TOX: variants seen among roughly 807,000 people sequenced by gnomAD.
TOX encodes the protein thymocyte selection-associated high mobility group box protein TOX.
TOX carries 11 observed loss-of-function variants against 53.7 expected under a neutral mutation model. The ratio of observed to expected loss-of-function variants is 0.20; its 90% CI spans 0.13 to 0.34. TOX has a LOEUF of 0.34. TOX is among the 10% of genes least tolerant of loss of function. The pLI is 1.00. For synonymous variants in TOX, 225 were observed against 245.3 expected, an observed-to-expected ratio of 0.92 and a Z score of 0.77; for missense variants, 570 against 664.6, an observed-to-expected ratio of 0.86 and a Z score of 1.56.
At chr8:58,941,612 ATTAATATCAGGCCTTTCC>A (rs1461791621) in intron 2 of TOX, among the ~76,000 whole-genome samples, 1 of 152,210 alleles carries the variant, frequency 6.6e-6, no homozygotes, top group African/African-American at 2.4e-5. Context: ...TAGTATTAGC[ATTAATATCAGGCCTTTCC>A]TTTCCCAAAT....
chr8:58,832,411 G>C (rs1327401009), intron 5 of TOX, among the ~76,000 whole-genome samples: 1 of 151,926 alleles, frequency 6.6e-6, no homozygotes, highest in Non-Finnish European at 1.5e-5. Context: ...ATAAGAAAAT[G>C]GCCAAGATAA....
chr8:59,069,422 G>C (rs979438136), intron 1 of TOX, among the ~76,000 whole-genome samples: 6 of 152,282 alleles, frequency 3.9e-5, no homozygotes, highest in African/African-American at 1.4e-4. Flanking sequence ...GCAGGATATT[G>C]AATTATAGAT....
intron 3 of TOX, among the ~76,000 whole-genome samples, chr8:58,908,611 C>T (rs1811859057): frequency 6.6e-6 from 1 of 152,180 alleles, no homozygotes; most frequent in African/African-American, 2.4e-5. Context: ...GTTTATCCCT[C>T]CTCCAAAGCA....
chr8:58,998,493 G>GTGTATATA (rs1491538699), intron 1 of TOX, among the ~76,000 whole-genome samples: 1 of 63,618 alleles, frequency 1.6e-5, no homozygotes, highest in Non-Finnish European at 2.5e-5. Context: ...CATCTCAAAA[G>GTGTATATA]TATATATATA....
In TOX at chr8:59,093,316, A is replaced by T. The variant is rs557614239; in HGVS notation, c.102+25570T>A. On this transcript the variant is annotated intron_variant, in intron 1 of 8. Coordinates refer to ENST00000361421, the MANE Select transcript of TOX (RefSeq NM_014729.3). Reference sequence around the variant, plus strand: ...ACCACTGACAAATAACAGTGAATGCATCTACAGAACTGTGAAGTCCTCAAG... The same window carrying T: ...ACCACTGACAAATAACAGTGAATGCTTCTACAGAACTGTGAAGTCCTCAAG... Among the ~76,000 whole-genome samples, 4 of 152,346 alleles carry T rather than the reference A, an allele frequency of 2.6e-5. No individual in the cohort carries two copies. In the East Asian group the frequency reaches 7.7e-4, roughly 29 times the overall value.
intron 1 of TOX, among the ~76,000 whole-genome samples, chr8:58,997,393 G>A (rs906188994): frequency 5.9e-5 from 9 of 152,216 alleles, no homozygotes; most frequent in African/African-American, 1.9e-4. Context: ...GTGCACTTGC[G>A]TCTAGGAACT....
At chr8:58,980,913 T>A (rs753634392) in intron 1 of TOX, among the ~76,000 whole-genome samples, 4 of 152,214 alleles carry the variant, frequency 2.6e-5, no homozygotes, top group Admixed American at 6.5e-5. Context: ...AATTAATTCC[T>A]CTTTGGAGTC....
intron 1 of TOX, among the ~76,000 whole-genome samples, chr8:59,106,995 CT>C (rs1377759187): frequency 7.3e-6 from 1 of 137,452 alleles, no homozygotes; most frequent in African/African-American, 2.9e-5. Flanking sequence ...ATCTTTTAAA[CT>C]TTTTTTCCCC....
intron 3 of TOX, among the ~76,000 whole-genome samples, chr8:58,905,986 CT>C (rs1345225907): frequency 6.6e-6 from 1 of 152,116 alleles, no homozygotes; most frequent in African/African-American, 2.4e-5. Flanking sequence ...AATTTCACAC[CT>C]TTTCATTCTT....
intron 3 of TOX, among the ~76,000 whole-genome samples, chr8:58,914,259 C>T (rs62505154): frequency 0.31 from 47,260 of 152,004 alleles, 8,409 homozygotes; most frequent in Non-Finnish European, 0.39. Flanking sequence ...TGAGATTTGA[C>T]TTTATTGAGC....
At chr8:58,934,803 T>C (rs1812317092) in intron 3 of TOX, among the ~76,000 whole-genome samples, 1 of 152,226 alleles carries the variant, frequency 6.6e-6, no homozygotes, top group African/African-American at 2.4e-5. Flanking sequence ...CCAACACTTA[T>C]ATAATGCTTC....
intron 8 of TOX, 139 bp downstream of exon 8, chr8:58,807,979 C>A: frequency 7.7e-7 from 1 of 1,295,564 alleles, no homozygotes; most frequent in East Asian, 2.4e-5. Flanking sequence ...GACTGCTTAA[C>A]AATTTCTGGT....
rs1408709868 is a variant in TOX, at chr8:59,107,965, C to T, written c.102+10921G>A. ...TCCTTCCCTTTCCCCGCCCCCAAAA[C>T]ATTGCGTGTGCTTTGCATCTCACAT... On this transcript the variant is annotated intron_variant, in intron 1 of 8. Transcript: ENST00000361421. Among the ~76,000 whole-genome samples, 5 of 152,272 alleles carry T rather than the reference C, an allele frequency of 3.3e-5. No individual in the cohort carries two copies. In the East Asian group the frequency reaches 7.7e-4, roughly 23 times the overall value.
At position 59,075,655 on chromosome 8, in the gene TOX, C is replaced by G. The variant is rs528796596; in HGVS notation, c.102+43231G>C. On this transcript the variant is annotated intron_variant, in intron 1 of 8. Transcript: ENST00000361421. ...CAAAATAAAAAGGTATTTTTCCTCCCCTACATCTGTAAATATAAAACTGAA... is the reference window on the plus strand; with the variant it reads ...CAAAATAAAAAGGTATTTTTCCTCCGCTACATCTGTAAATATAAAACTGAA... Among the ~76,000 whole-genome samples, 3 of 152,238 alleles carry G rather than the reference C, an allele frequency of 2.0e-5. No homozygotes were observed. The South Asian group carries it at 6.2e-4, about 32-fold the overall frequency.
rs117869631 is a variant in TOX, at chr8:58,965,610, C to A, written c.103-5602G>T. On this transcript the variant is annotated intron_variant, in intron 1 of 8. Coordinates refer to ENST00000361421, the MANE Select transcript of TOX (RefSeq NM_014729.3). ...AAACCATTAAAAGAAAATCAGAAAA[C>A]TGCTGCTGAGGGGGAAAAACAGCCT... is the stretch of plus-strand genomic sequence containing the variant. 6.3e-3 allele frequency among the ~76,000 whole-genome samples: 958 copies of A among 152,164 alleles called. 48 individuals carry two copies. In the East Asian group the frequency reaches 0.089, roughly 14 times the overall value.
chr8:58,956,577 C>T (rs1812711313), intron 2 of TOX, among the ~76,000 whole-genome samples: 1 of 152,168 alleles, frequency 6.6e-6, no homozygotes, highest in Admixed American at 6.5e-5. Context: ...AAAATGTACT[C>T]ACTTAGCAAA....
intron 7 of TOX, among the ~76,000 whole-genome samples, chr8:58,812,070 G>T (rs1810087752): frequency 6.6e-6 from 1 of 152,164 alleles, no homozygotes; most frequent in South Asian, 2.1e-4. Context: ...ACATGAGGAA[G>T]CAAACATCTT....
intron 1 of TOX, among the ~76,000 whole-genome samples, chr8:59,048,165 G>A (rs554611293): frequency 3.3e-5 from 5 of 152,254 alleles, no homozygotes; most frequent in Admixed American, 2.6e-4. Flanking sequence ...GCTACTCAGC[G>A]CCTCAGAATA....
intron 1 of TOX, among the ~76,000 whole-genome samples, chr8:59,031,633 T>C (rs1461830039): frequency 6.6e-6 from 1 of 152,078 alleles, no homozygotes; most frequent in Non-Finnish European, 1.5e-5. Context: ...AGGATTGAGA[T>C]TGAATAGTGA....
Sources: gnomAD v4.1 joint callset for allele counts (sites outside exome capture counted in the v4.1 genomes callset) on GRCh38, gnomAD v4.1.1 for gene constraint, MANE v1.5 for transcripts, NCBI Gene and HGNC (gene_info 2026-07-23, HGNC 2026-07-21) for gene names.